ARHGEF7: variants seen among roughly 807,000 people sequenced by gnomAD.
ARHGEF7 encodes PAK-interacting exchange factor beta.
Under a neutral mutation model 109.8 loss-of-function variants are expected in ARHGEF7, and 33 were observed. That is an observed-to-expected ratio of 0.30 (90% CI 0.23 to 0.40). ARHGEF7 has a LOEUF of 0.40. ARHGEF7 is among the 10% of genes least tolerant of loss of function. The pLI, the probability that ARHGEF7 is intolerant of heterozygous loss-of-function variation, is 1.00. For synonymous variants in ARHGEF7, 458 were observed against 424.6 expected, an observed-to-expected ratio of 1.08 and a Z score of -0.97; for missense variants, 938 against 1,098.5, an observed-to-expected ratio of 0.85 and a Z score of 2.07.
chr13:111,135,862 C>G (rs948557984), intron 1 of ARHGEF7, among the ~76,000 whole-genome samples: 18 of 152,176 alleles, frequency 1.2e-4, no homozygotes, highest in Non-Finnish European at 1.9e-4. Flanking sequence ...GAGGGCATCC[C>G]TGTCTTGTGC....
intron 11 of ARHGEF7, 142 bp downstream of exon 11, chr13:111,274,932 TG>T (rs2092392788): frequency 2.1e-6 from 1 of 483,474 alleles, no homozygotes; most frequent in East Asian, 3.4e-5. Flanking sequence ...ATTCTGTGGC[TG>T]GTAAACTCCT....
chr13:111,221,389 ATGT>A (rs1173836115), intron 5 of ARHGEF7, among the ~76,000 whole-genome samples: 12 of 18,630 alleles, frequency 6.4e-4, no homozygotes, highest in African/African-American at 1.7e-3. Flanking sequence ...ATATATATAG[ATGT>A]CTATATATCT....
chr13:111,241,834 C>G (rs895190873), intron 6 of ARHGEF7, among the ~76,000 whole-genome samples: 2 of 152,186 alleles, frequency 1.3e-5, no homozygotes, highest in Non-Finnish European at 1.5e-5. Context: ...AATTAGGAAG[C>G]TAAATCATAT....
chr13:111,147,142 TAAATAAA>T (rs2075635012), intron 1 of ARHGEF7, among the ~76,000 whole-genome samples: 1 of 152,126 alleles, frequency 6.6e-6, no homozygotes, highest in African/African-American at 2.4e-5. Context: ...TTGCTGATTA[TAAATAAA>T]GCTATGAACA....
At chr13:111,238,211 G>A (rs1005174859) in intron 6 of ARHGEF7, among the ~76,000 whole-genome samples, 1 of 152,138 alleles carries the variant, frequency 6.6e-6, no homozygotes, top group Non-Finnish European at 1.5e-5. Context: ...TTAAGATCCG[G>A]GCGGCTTGAT....
In ARHGEF7 at chr13:111,275,557, G is replaced by A. The variant is rs150589413; in HGVS notation, c.1298G>A (p.Arg433Lys). ...LSAQCQEVRK[R>K]KELELQILTE... ...GCCCAATGTCAAGAAGTCCGGAAGA[G>A]GAAAGAGCTTGAGCTGCAGATCCTG... The change falls in exon 12 of 22, where the codon AGG becomes AAG. Residue 433 changes from arginine to lysine, a missense_variant. By Grantham distance (26) the Arg-to-Lys change is conservative. This residue lies in a region of ARHGEF7 where 585 missense variants were observed against 723.6 expected (regional missense o/e 0.81). Transcript: ENST00000646102. 220 of 1,613,894 alleles carry A rather than the reference G, an allele frequency of 1.4e-4. No individual in the cohort carries two copies. The highest frequency in any genetic ancestry group is 1.8e-4 in the Non-Finnish European group (209 of 1,179,954).
At chr13:111,154,066 A>G in intron 2 of ARHGEF7, 75 bp downstream of exon 2, 1 of 1,409,072 alleles carries the variant, frequency 7.1e-7, no homozygotes, top group Non-Finnish European at 9.4e-7. Flanking sequence ...GCTTCGCTCC[A>G]GCCGGACCTC....
intron 3 of ARHGEF7, 47 bp downstream of exon 3, chr13:111,205,420 G>T (rs752946083): frequency 4.4e-6 from 6 of 1,360,932 alleles, no homozygotes; most frequent in Admixed American, 5.1e-5. Flanking sequence ...AGACATACGG[G>T]CTGACACCTT....
intron 1 of ARHGEF7, among the ~76,000 whole-genome samples, chr13:111,129,688 G>A (rs958764903): frequency 1.3e-5 from 2 of 152,334 alleles, no homozygotes; most frequent in Admixed American, 6.5e-5. Context: ...CACTACACAC[G>A]TATCATCACG....
chr13:111,249,026 T>C (rs1418111985), intron 8 of ARHGEF7, among the ~76,000 whole-genome samples: 2 of 152,144 alleles, frequency 1.3e-5, no homozygotes, highest in Non-Finnish European at 2.9e-5. Context: ...CCACTTATTT[T>C]AGACTCAGCT....
At chr13:111,233,543 A>G (rs926460191) in intron 6 of ARHGEF7, among the ~76,000 whole-genome samples, 1 of 152,236 alleles carries the variant, frequency 6.6e-6, no homozygotes, top group Admixed American at 6.5e-5. Flanking sequence ...GTAACATAGT[A>G]ATGTGCGTGT....
At chr13:111,242,779 G>A (rs1008820847) in intron 6 of ARHGEF7, among the ~76,000 whole-genome samples, 1 of 152,220 alleles carries the variant, frequency 6.6e-6, no homozygotes, top group African/African-American at 2.4e-5. Flanking sequence ...TTTGAGTTGG[G>A]AGAAGTCAGC....
chr13:111,183,841 A>C (rs1455769026), intron 2 of ARHGEF7, among the ~76,000 whole-genome samples: 1 of 152,138 alleles, frequency 6.6e-6, no homozygotes, highest in African/African-American at 2.4e-5. Context: ...TTGACTTGTC[A>C]TCTTAGACTT....
rs4771737 is a variant in ARHGEF7 at position 111,221,602 on chromosome 13, T to C, written c.670+3722T>C. 7.3e-4 allele frequency among the ~76,000 whole-genome samples: 58 copies of C among 78,942 alleles called. No individual in the cohort carries two copies. The East Asian group carries it at 0.031, about 43-fold the overall frequency. The allele number at this position is 78,942 out of a possible 152,430, so 51.8% of individuals were successfully genotyped here. On this transcript the variant is annotated intron_variant, in intron 5 of 21. Transcript: ENST00000646102. ...ATCTATATATATCTATATATAGATA[T>C]ATATCTCCCCTTTATATGTATATAT...
intron 2 of ARHGEF7, among the ~76,000 whole-genome samples, chr13:111,179,379 C>A (rs1050132867): frequency 6.6e-6 from 1 of 152,126 alleles, no homozygotes; most frequent in Non-Finnish European, 1.5e-5. Flanking sequence ...CCACTGCACC[C>A]GGCCTCAAAC....
At chr13:111,262,413 CAT>C (rs200012732) in intron 8 of ARHGEF7, among the ~76,000 whole-genome samples, 2,244 of 151,532 alleles carry the variant, frequency 0.015, 27 homozygotes, top group Middle Eastern at 0.075. Context: ...TGTGTGTGTG[CAT>C]GTGTGTGTGT....
chr13:111,213,925 G>C (rs1185764144), intron 4 of ARHGEF7, among the ~76,000 whole-genome samples: 5 of 152,126 alleles, frequency 3.3e-5, no homozygotes, highest in African/African-American at 1.2e-4. Context: ...CTTGCGCTCT[G>C]ATGGAGCACT....
At chr13:111,270,826 G>A (rs2092082663) in intron 9 of ARHGEF7, among the ~76,000 whole-genome samples, 1 of 152,166 alleles carries the variant, frequency 6.6e-6, no homozygotes, top group Admixed American at 6.5e-5. Flanking sequence ...CCAACACCTA[G>A]AGAATTGTTG....
intron 8 of ARHGEF7, among the ~76,000 whole-genome samples, chr13:111,246,404 A>G (rs1202231020): frequency 6.6e-6 from 1 of 152,116 alleles, no homozygotes; most frequent in African/African-American, 2.4e-5. Flanking sequence ...CTGTGCCACT[A>G]GTTCTTGCAG....
Sources: allele counts gnomAD v4.1 joint callset (sites outside exome capture counted in the v4.1 genomes callset), GRCh38; gene constraint gnomAD v4.1.1; regional missense constraint gnomAD v4.1.1; transcripts MANE v1.5; gene names NCBI Gene and HGNC (gene_info 2026-07-23, HGNC 2026-07-21).